The following EDA variants were observed in gnomAD, a reference collection of about 807,000 sequenced individuals.
EDA encodes ectodysplasin-A.
In EDA, 2 loss-of-function variants were observed where a neutral mutation model predicts 23.6. The ratio of observed to expected loss-of-function variants is 0.08; its 90% confidence interval spans 0.03 to 0.27. The LOEUF is 0.27. Among genes scored for constraint, EDA ranks in the 10% least tolerant of loss-of-function variants. The probability of loss-of-function intolerance (pLI) is 1.00; values close to 1 mark genes in which losing one functional copy is unlikely to be tolerated. For synonymous variants in EDA, 131 were observed against 132.0 expected (o/e 0.99, Z 0.05); for missense variants, 229 against 324.2 (o/e 0.71, Z 2.26).
chrX:69,902,165 C>G (rs1232120010), intron 1 of EDA, among the ~76,000 whole-genome samples: 1 of 76,851 alleles, frequency 1.3e-5, no homozygotes, highest in Non-Finnish European at 2.9e-5. Context: ...GAACTGAGAA[C>G]CCATGCATGA....
chrX:69,669,966 G>A (rs982269401), intron 1 of EDA, among the ~76,000 whole-genome samples: 6 of 111,704 alleles, frequency 5.4e-5, no homozygotes, highest in African/African-American at 2.0e-4. Flanking sequence ...TTCTGGATTT[G>A]AGTATGTATT....
At chrX:69,645,616 G>GTTTGTATATATATATA (rs1932909399) in intron 1 of EDA, among the ~76,000 whole-genome samples, 1 of 56,491 alleles carries the variant, frequency 1.8e-5, no homozygotes, top group Non-Finnish European at 2.9e-5. Flanking sequence ...ATATATATAT[G>GTTTGTATATATATATA]TGTGTGTATA....
At chrX:69,822,491 G>T (rs1270467515) in intron 1 of EDA, among the ~76,000 whole-genome samples, 2 of 110,884 alleles carry the variant, frequency 1.8e-5, no homozygotes, top group Non-Finnish European at 3.8e-5. Flanking sequence ...GGACAATATA[G>T]TACTTCCCTT....
intron 2 of EDA, among the ~76,000 whole-genome samples, chrX:69,963,816 T>C: frequency 9.0e-6 from 1 of 111,475 alleles, no homozygotes; most frequent in Middle Eastern, 4.6e-3. Context: ...GAATTGGGTA[T>C]AGAGGTTAAA....
intron 1 of EDA, among the ~76,000 whole-genome samples, chrX:69,703,360 G>A (rs1208396884): frequency 8.9e-6 from 1 of 111,880 alleles, no homozygotes; most frequent in East Asian, 2.8e-4. Flanking sequence ...TCCTTTGTCC[G>A]GCTGCTGTGG....
chrX:69,820,885 GGT>G (rs1461210455), intron 1 of EDA, among the ~76,000 whole-genome samples: 1 of 111,051 alleles, frequency 9.0e-6, no homozygotes, highest in Non-Finnish European at 1.9e-5. Context: ...CCCATTACTG[GGT>G]ATATACCCAA....
In EDA at chrX:69,784,341, G is replaced by T. The variant is rs904536759; in HGVS notation, c.396+167637G>T. ...TTGTCTTTTGTTGCCATTGCTTTTG[G>T]AGTTTTAGACATGAAGTCCTTGCCC... On this transcript the variant is annotated intron_variant, in intron 1 of 7. Transcript: ENST00000374552. 7.2e-4 allele frequency among the ~76,000 whole-genome samples: 74 copies of T among 102,551 alleles called. 1 individual carries two copies. The highest frequency in any genetic ancestry group is 2.5e-3 in the African/African-American group (69 of 27,746). The allele number at this position is 102,551 out of a possible 115,157, so 89.1% of individuals were successfully genotyped here.
At chrX:70,026,673 A>G (rs979534630) in intron 3 of EDA, among the ~76,000 whole-genome samples, 1 of 111,787 alleles carries the variant, frequency 8.9e-6, no homozygotes, top group African/African-American at 3.3e-5. Flanking sequence ...GTGAGCAGTG[A>G]GGGGCAATAA....
intron 1 of EDA, among the ~76,000 whole-genome samples, chrX:69,646,970 T>C (rs953400472): frequency 5.4e-5 from 6 of 111,755 alleles, no homozygotes; most frequent in African/African-American, 2.0e-4. Flanking sequence ...TGGCCAGATA[T>C]AATTTTCTGG....
intron 1 of EDA, among the ~76,000 whole-genome samples, chrX:69,834,549 T>G (rs1195749764): frequency 2.3e-5 from 2 of 87,561 alleles, no homozygotes; most frequent in East Asian, 4.1e-4. Context: ...TTTTTTTTTT[T>G]GCTTTCCATT....
chrX:69,849,079 A>C, intron 1 of EDA, among the ~76,000 whole-genome samples: 1 of 31,431 alleles, frequency 3.2e-5, no homozygotes, highest in African/African-American at 8.5e-5. Flanking sequence ...CACAAAGTCT[A>C]TATACACACA....
intron 2 of EDA, among the ~76,000 whole-genome samples, chrX:69,982,318 T>A (rs1240526388): frequency 9.0e-6 from 1 of 111,405 alleles, no homozygotes. Context: ...AAAGTTTCCC[T>A]GCCGCTTACA....
intron 1 of EDA, among the ~76,000 whole-genome samples, chrX:69,705,223 CAA>C (rs545649412): frequency 6.8e-5 from 4 of 58,844 alleles, no homozygotes; most frequent in African/African-American, 2.1e-4. Context: ...AACTCCATCT[CAA>C]AAAAAAAAAA....
Position 69,966,361 on chromosome X carries a change from C to T in EDA, c.502+9229C>T, listed in dbSNP as rs894185352. Among the ~76,000 whole-genome samples the T allele has an allele frequency of 3.6e-5, 4 of 110,836 alleles. No individual in the cohort carries two copies. In the Admixed American group the frequency reaches 3.8e-4, roughly 11 times the overall value. ...TTGGGAGGCCGAGGCAGGTGGATCA[C>T]CTGAGGTCAGGAGTTCGAGACCAGC... On this transcript the variant is annotated intron_variant, in intron 2 of 7. Transcript: ENST00000374552.
intron 1 of EDA, among the ~76,000 whole-genome samples, chrX:69,825,888 G>T (rs2016414202): frequency 9.2e-6 from 1 of 109,161 alleles, no homozygotes; most frequent in African/African-American, 3.4e-5. Flanking sequence ...CAGAGATTCT[G>T]GTATGTTGTG....
At chrX:69,645,962 A>G (rs1296244369) in intron 1 of EDA, among the ~76,000 whole-genome samples, 1 of 111,045 alleles carries the variant, frequency 9.0e-6, no homozygotes, top group African/African-American at 3.3e-5. Flanking sequence ...ACAGTCATTC[A>G]GGAGCATATT....
chrX:69,641,443 G>A lies in EDA; in HGVS notation c.396+24739G>A, dbSNP rs756885610. ...GTATATACATACACACATGAAAATA[G>A]TGGGAAACACCCAAGTCAGTAAAAT... On this transcript the variant is annotated intron_variant, in intron 1 of 7. Coordinates refer to ENST00000374552, the MANE Select transcript of EDA (RefSeq NM_001399.5). Among the ~76,000 whole-genome samples the A allele has an allele frequency of 7.0e-3, 780 of 111,587 alleles. 4 individuals carry two copies. Among genetic ancestry groups the A allele is most frequent in the Non-Finnish European group, 0.012 (617 of 53,066 alleles).
chrX:69,691,368 A>G (rs1934707336), intron 1 of EDA, among the ~76,000 whole-genome samples: 1 of 112,111 alleles, frequency 8.9e-6, no homozygotes, highest in African/African-American at 3.2e-5. Context: ...CCCTGGTTTT[A>G]CTGCATTATT....
At chrX:69,653,853 G>A (rs1345319527) in intron 1 of EDA, among the ~76,000 whole-genome samples, 3 of 111,706 alleles carry the variant, frequency 2.7e-5, no homozygotes, top group Non-Finnish European at 5.6e-5. Flanking sequence ...AACCCTAGAA[G>A]AAAACCTAGG....
Sources: allele counts gnomAD v4.1 joint callset (sites outside exome capture counted in the v4.1 genomes callset), GRCh38; gene constraint gnomAD v4.1.1; transcripts MANE v1.5; gene names NCBI Gene and HGNC (gene_info 2026-07-23, HGNC 2026-07-21).